Variants in SLC8A1 observed in about 807,000 individuals in gnomAD.
SLC8A1 encodes sodium/calcium exchanger 1.
SLC8A1 carries 18 observed loss-of-function variants against 68.3 expected under a neutral mutation model. The observed-to-expected ratio is 0.26, with a 90% CI of 0.18 to 0.39. SLC8A1 has a LOEUF of 0.39. Ranked by LOEUF, SLC8A1 falls within the 10% of genes least tolerant of loss-of-function variation. The pLI is 1.00. For missense variants in SLC8A1, 985 were observed against 1,156.7 expected (o/e 0.85, Z 2.15); for synonymous variants, 475 against 415.5 (o/e 1.14, Z -1.74).
At chr2:40,280,804 G>A (rs1334388483) in intron 2 of SLC8A1, among the ~76,000 whole-genome samples, 1 of 152,222 alleles carries the variant, frequency 6.6e-6, no homozygotes, top group Non-Finnish European at 1.5e-5. Flanking sequence ...TGAAGACCCT[G>A]TAACAATAGC....
chr2:40,233,520 C>T (rs1019509008), intron 2 of SLC8A1, among the ~76,000 whole-genome samples: 14 of 141,518 alleles, frequency 9.9e-5, no homozygotes, highest in Non-Finnish European at 1.7e-4. Flanking sequence ...GAGTAGGTTG[C>T]GAAAATTTTC....
At chr2:40,260,133 C>T (rs1012901966) in intron 2 of SLC8A1, among the ~76,000 whole-genome samples, 2 of 152,182 alleles carry the variant, frequency 1.3e-5, no homozygotes, top group Non-Finnish European at 2.9e-5. Flanking sequence ...AGAAAGTGAA[C>T]ACAGGCTTGA....
At chr2:40,184,902 A>C (rs1368001712) in intron 2 of SLC8A1, among the ~76,000 whole-genome samples, 10 of 16,670 alleles carry the variant, frequency 6.0e-4, no homozygotes, top group Admixed American at 1.4e-3. Context: ...CAAAAACAAA[A>C]AAAAAAAAAA....
At chr2:40,274,215 T>C (rs2066415999) in intron 2 of SLC8A1, among the ~76,000 whole-genome samples, 2 of 149,110 alleles carry the variant, frequency 1.3e-5, no homozygotes, top group South Asian at 4.4e-4. Context: ...CACATTTGCA[T>C]ACTAGATTTC....
At chr2:40,324,345 C>A (rs1169573692) in intron 2 of SLC8A1, among the ~76,000 whole-genome samples, 1 of 152,094 alleles carries the variant, frequency 6.6e-6, no homozygotes, top group East Asian at 1.9e-4. Flanking sequence ...TGGTTTTGAA[C>A]AGACAACTAT....
chr2:40,506,713 C>A (rs1576685744), intron 1 of SLC8A1, among the ~76,000 whole-genome samples: 1 of 146,612 alleles, frequency 6.8e-6, no homozygotes, highest in African/African-American at 2.6e-5. Flanking sequence ...TTTTCCTTTC[C>A]CCTGCCTGTA....
At chr2:40,269,850 G>C (rs113363011) in intron 2 of SLC8A1, among the ~76,000 whole-genome samples, 3,035 of 152,080 alleles carry the variant, frequency 0.02, 110 homozygotes, top group African/African-American at 0.069. Context: ...CAATGTGCAG[G>C]TTAGTTACAT....
chr2:40,433,946 T>C (rs1402072560), intron 1 of SLC8A1, among the ~76,000 whole-genome samples: 1 of 152,140 alleles, frequency 6.6e-6, no homozygotes, highest in Non-Finnish European at 1.5e-5. Flanking sequence ...CAGACAAGCA[T>C]CAATAACTGT....
intron 2 of SLC8A1, among the ~76,000 whole-genome samples, chr2:40,408,834 C>G (rs971247641): frequency 6.6e-6 from 1 of 151,932 alleles, no homozygotes; most frequent in African/African-American, 2.4e-5. Flanking sequence ...AAAGATAGAG[C>G]ATTTGAGCAC....
In SLC8A1 at chr2:40,158,655, C is replaced by T. The variant is rs552546008; in HGVS notation, c.2161+2110G>A. Among the ~76,000 whole-genome samples the T allele has an allele frequency of 2.8e-4, 42 of 152,244 alleles. No homozygotes were observed. The South Asian group carries it at 8.5e-3, about 31-fold the overall frequency. ...CCAGTCTCTCTGTGAGAGTAGGGAGCAATTTTCCTCATTTTGAAATTTCCT... is the reference window on the plus strand; with the variant it reads ...CCAGTCTCTCTGTGAGAGTAGGGAGTAATTTTCCTCATTTTGAAATTTCCT... On this transcript the variant is annotated intron_variant, in intron 6 of 7. Transcript: ENST00000406785.
At chr2:40,249,281 G>T (rs947604436) in intron 2 of SLC8A1, among the ~76,000 whole-genome samples, 1 of 152,100 alleles carries the variant, frequency 6.6e-6, no homozygotes, top group East Asian at 1.9e-4. Flanking sequence ...ATCTAGAAAT[G>T]CCTATCCGTT....
rs540393783 is a variant in SLC8A1, at chr2:40,381,722, C to G, written c.1808+46751G>C. Among the ~76,000 whole-genome samples the G allele has an allele frequency of 2.6e-5, 4 of 151,568 alleles. No homozygotes were observed. In the East Asian group the frequency reaches 5.9e-4, roughly 22 times the overall value. On this transcript the variant is annotated intron_variant, in intron 2 of 7. Transcript: ENST00000406785. The stretch of plus-strand genomic sequence containing the variant: ...CTTGAGAAAGTTACATTTGTCTTAT[C>G]TGAGTTCCTTTTTCAGGAAACCAAC...
At chr2:40,390,288 A>T (rs1345873881) in intron 2 of SLC8A1, among the ~76,000 whole-genome samples, 1 of 152,080 alleles carries the variant, frequency 6.6e-6, no homozygotes, top group Non-Finnish European at 1.5e-5. Context: ...CTTGGCTTGG[A>T]ATCATATAAT....
intron 2 of SLC8A1, chr2:40,223,608 T>C (rs539183775): frequency 6.6e-6 from 1 of 152,116 alleles, no homozygotes; most frequent in African/African-American, 2.4e-5. Context: ...TGTACCTCTC[T>C]ATTCCTTTTC....
At chr2:40,380,154 G>C (rs1390618407) in intron 2 of SLC8A1, among the ~76,000 whole-genome samples, 1 of 152,092 alleles carries the variant, frequency 6.6e-6, no homozygotes, top group Non-Finnish European at 1.5e-5. Context: ...GCAATGCCAA[G>C]AGGTAAACCG....
At chr2:40,288,153 T>C (rs2068642385) in intron 2 of SLC8A1, among the ~76,000 whole-genome samples, 1 of 152,128 alleles carries the variant, frequency 6.6e-6, no homozygotes, top group Non-Finnish European at 1.5e-5. Flanking sequence ...GCATTCATGA[T>C]AGTGTTTTCA....
intron 2 of SLC8A1, among the ~76,000 whole-genome samples, chr2:40,360,403 T>C (rs1394134128): frequency 6.6e-6 from 1 of 152,172 alleles, no homozygotes; most frequent in East Asian, 1.9e-4. Flanking sequence ...ATAGTTTATA[T>C]ATTTATATGT....
At chr2:40,266,223 TA>T (rs2149114946) in intron 2 of SLC8A1, among the ~76,000 whole-genome samples, 1 of 152,280 alleles carries the variant, frequency 6.6e-6, no homozygotes, top group East Asian at 1.9e-4. Flanking sequence ...TCCTTTCTTT[TA>T]AAACTACAGA....
At chr2:40,367,134 T>G (rs183999999) in intron 2 of SLC8A1, among the ~76,000 whole-genome samples, 2 of 152,116 alleles carry the variant, frequency 1.3e-5, no homozygotes, top group African/African-American at 2.4e-5. Context: ...GCCCCCAACC[T>G]GCCAGTGTGC....
Sources: gnomAD v4.1 joint callset for allele counts (sites outside exome capture counted in the v4.1 genomes callset) on GRCh38, gnomAD v4.1.1 for gene constraint, MANE v1.5 for transcripts, NCBI Gene and HGNC (gene_info 2026-07-23, HGNC 2026-07-21) for gene names.